Variants in FSCN1 observed in about 807,000 individuals in gnomAD.
The protein encoded by FSCN1 is fascin actin-bundling protein 1.
Under a neutral mutation model 39.7 loss-of-function variants are expected in FSCN1, and 10 were observed. The observed-to-expected ratio is 0.25, with a 90% CI of 0.16 to 0.43. The LOEUF (loss-of-function observed/expected upper bound fraction) is 0.43. Ranked by LOEUF, FSCN1 falls within the 20% of genes least tolerant of loss-of-function variation. The pLI is 1.00. For missense variants in FSCN1, 525 were observed against 723.8 expected (o/e 0.73, Z 3.15); for synonymous variants, 322 against 320.0 (o/e 1.01, Z -0.07).
At chr7:5,596,450 C>T (rs1447122020) in intron 1 of FSCN1, among the ~76,000 whole-genome samples, 1 of 152,370 alleles carries the variant, frequency 6.6e-6, no homozygotes. Context: ...CAGGGGCTTT[C>T]AGCCCTTCAC....
rs1266095792 is a variant in FSCN1 at position 5,593,475 on chromosome 7, C to G, written c.539C>G (p.Ala180Gly). ...GGCGTCGACTCGCTCATCACCCTCG[C>G]CTTCCAGGACCAGCGCTACAGCGTG... ...PWGVDSLITL[A>G]FQDQRYSVQT... The change falls in exon 1 of 5, where the codon GCC becomes GGC. Residue 180 changes from alanine (A) to glycine (G), a missense_variant. This residue lies in a region of FSCN1 where 246 missense variants were observed against 350.6 expected (regional missense o/e 0.70). Coordinates refer to ENST00000382361, the MANE Select transcript of FSCN1 (RefSeq NM_003088.4). 10 of 1,611,442 alleles carry G rather than the reference C, an allele frequency of 6.2e-6. No individual in the cohort carries two copies. The highest frequency in any genetic ancestry group is 7.6e-6 in the Non-Finnish European group (9 of 1,179,702).
rs552508056 is a variant in FSCN1, at chr7:5,600,790, A to T, written c.833-2467A>T. 9.9e-5 allele frequency among the ~76,000 whole-genome samples: 15 copies of T among 151,274 alleles called. No homozygotes were observed. In the South Asian group the frequency reaches 2.9e-3, roughly 30 times the overall value. On this transcript the variant is annotated intron_variant, in intron 1 of 4. Coordinates refer to ENST00000382361, the MANE Select transcript of FSCN1 (RefSeq NM_003088.4). ...TGCCTCAGCCTCCCGAGTAGCAGGGACTACAGGCGCCCGCCACCGTGCCCG... is the reference window on the plus strand; with the variant it reads ...TGCCTCAGCCTCCCGAGTAGCAGGGTCTACAGGCGCCCGCCACCGTGCCCG...
At position 5,605,516 on chromosome 7, in the gene FSCN1, C is replaced by T. The variant is rs1165753688; in HGVS notation, c.*42C>T. The T allele has an allele frequency of 1.4e-6, 2 of 1,401,464 alleles. No homozygotes were observed. Among genetic ancestry groups the T allele is most frequent in the Admixed American group, 2.1e-5 (1 of 47,694 alleles). The allele number at this position is 1,401,464 out of a possible 1,614,324, so 86.8% of individuals were successfully genotyped here. On this transcript the variant is annotated 3_prime_UTR_variant, in exon 5 of 5. Coordinates refer to ENST00000382361, the MANE Select transcript of FSCN1 (RefSeq NM_003088.4). This position sits in a 1 kb window ranked among gnomAD's most constrained non-coding sequence, Gnocchi z 6.9. ...CCCGCCCCTGCCCACATGGCGGCTC[C>T]TGCCAACCCTCCCTGCTAACCCCTT... is the stretch of plus-strand genomic sequence containing the variant.
In FSCN1 at chr7:5,593,217, T is replaced by A; in HGVS notation, c.281T>A (p.Val94Glu). 6.2e-7 allele frequency: 1 copy of A among 1,606,944 alleles called. No individual in the cohort carries two copies. The highest frequency in any genetic ancestry group is 8.5e-7 in the Non-Finnish European group (1 of 1,178,042). The change falls in exon 1 of 5, where the codon GTG becomes GAG. Residue 94 changes from valine (V) to glutamate (E), a missense_variant. This residue lies in a region of FSCN1 where 246 missense variants were observed against 350.6 expected (regional missense o/e 0.70). Coordinates refer to ENST00000382361, the MANE Select transcript of FSCN1 (RefSeq NM_003088.4). ...GGTCCCGACTGCCGTTTCCTCATCG[T>A]GGCGCACGACGACGGTCGCTGGTCG... ...VPGPDCRFLIVAHDDGRWSLQ... is the reference protein window; with the variant it reads ...VPGPDCRFLIEAHDDGRWSLQ...
intron 1 of FSCN1, among the ~76,000 whole-genome samples, chr7:5,601,344 A>G (rs1307643501): frequency 6.6e-5 from 10 of 151,568 alleles, no homozygotes; most frequent in African/African-American, 2.2e-4. Flanking sequence ...CTGGGATTAC[A>G]GGCATGCCCC....
chr7:5,604,063 G>A (rs374172939), intron 4 of FSCN1, 33 bp downstream of exon 4: 21 of 1,603,820 alleles, frequency 1.3e-5, no homozygotes, highest in Admixed American at 1.7e-5. Flanking sequence ...GCTGGGCAGG[G>A]AACCCCTCGG....
rs776651945 is a variant in FSCN1, at chr7:5,603,515, G to A, written c.1009G>A (p.Asp337Asn). ...ASSKNASCYF[D>N]IEWRDRRITL... is the part of the protein sequence containing the mutation. ...CCCCAGGAATGCCAGCTGCTACTTT[G>A]ACATCGAGTGGCGTGACCGGCGCAT... The change falls in exon 3 of 5, where the codon GAC becomes AAC. Residue 337 changes from aspartate (D) to asparagine (N), a missense_variant. Coordinates refer to ENST00000382361, the MANE Select transcript of FSCN1 (RefSeq NM_003088.4). The surrounding 1 kb of genome is among the most constrained non-coding windows in gnomAD (Gnocchi z 8.5). 6.8e-6 allele frequency: 11 copies of A among 1,614,034 alleles called. No individual in the cohort carries two copies. The highest frequency in any genetic ancestry group is 1.7e-5 in the Admixed American group (1 of 60,002).
At chr7:5,601,197 CT>C (rs534109521) in intron 1 of FSCN1, among the ~76,000 whole-genome samples, 3,501 of 115,546 alleles carry the variant, frequency 0.03, 27 homozygotes, top group African/African-American at 0.039. Flanking sequence ...TTCTTTCTTC[CT>C]TTTTTTTTTT....
At position 5,599,089 on chromosome 7, in the gene FSCN1, C is replaced by T. The variant is rs1370275854; in HGVS notation, c.833-4168C>T. On this transcript the variant is annotated intron_variant, in intron 1 of 4. Transcript: ENST00000382361. The surrounding 1 kb of genome is among the most constrained non-coding windows in gnomAD (Gnocchi z 5.6). ...GAGCAGAGGCCCCAGCCCTCGTGTT[C>T]CCTGGGGTGTGGCCTTAGGATGGTC... Among the ~76,000 whole-genome samples the T allele has an allele frequency of 6.8e-6, 1 of 147,730 alleles. No individual in the cohort carries two copies. Among genetic ancestry groups the T allele is most frequent in the Non-Finnish European group, 1.5e-5 (1 of 66,858 alleles).
intron 1 of FSCN1, among the ~76,000 whole-genome samples, chr7:5,597,674 C>T: frequency 7.5e-6 from 1 of 134,036 alleles, no homozygotes; most frequent in South Asian, 2.3e-4. Context: ...TCTCAAAAAA[C>T]AAAACAAAAC....
chr7:5,606,083 G>A lies in FSCN1; in HGVS notation c.*609G>A, dbSNP rs1197209706. On this transcript the variant is annotated 3_prime_UTR_variant, in exon 5 of 5. Transcript: ENST00000382361. This position sits in a 1 kb window ranked among gnomAD's most constrained non-coding sequence, Gnocchi z 5.1. ...GCTCAGCCTGGCTCCCTTCCCTGGA[G>A]CGGCAGGGCGTGACGGCCACAGGGT... is the stretch of plus-strand genomic sequence containing the variant. 6.6e-6 allele frequency: 1 copy of A among 152,262 alleles called. No individual in the cohort carries two copies. Among genetic ancestry groups the A allele is most frequent in the African/African-American group, 2.4e-5 (1 of 41,410 alleles). The allele number at this position is 152,262 out of a possible 1,614,324, so 9.4% of individuals were successfully genotyped here.
intron 1 of FSCN1, among the ~76,000 whole-genome samples, chr7:5,594,222 C>T (rs1243579895): frequency 6.6e-6 from 1 of 152,204 alleles, no homozygotes; most frequent in Non-Finnish European, 1.5e-5. Flanking sequence ...CGCGCCTCCA[C>T]CCCCACCGGC....
rs764227580 is a variant in FSCN1, at chr7:5,603,521, G to C, written c.1015G>C (p.Glu339Gln). Residue 339 changes from glutamate to glutamine, a missense_variant, in exon 3 of 5, where the codon GAG (glutamate) becomes CAG (glutamine). Glu to Gln is a conservative substitution (Grantham distance 29). Transcript: ENST00000382361. The surrounding 1 kb of genome is among the most constrained non-coding windows in gnomAD (Gnocchi z 8.5). ...GAATGCCAGCTGCTACTTTGACATC[G>C]AGTGGCGTGACCGGCGCATCACACT... ...SKNASCYFDIEWRDRRITLRA... is the reference protein window; with the variant it reads ...SKNASCYFDIQWRDRRITLRA... The C allele has an allele frequency of 3.1e-6, 5 of 1,614,000 alleles. No homozygotes were observed. The highest frequency in any genetic ancestry group is 2.2e-5 in the South Asian group (2 of 91,078).
rs1422850566 is a variant in FSCN1, at chr7:5,605,879, C to T, written c.*405C>T. On this transcript the variant is annotated 3_prime_UTR_variant, in exon 5 of 5. Coordinates refer to ENST00000382361, the MANE Select transcript of FSCN1 (RefSeq NM_003088.4). This position sits in a 1 kb window ranked among gnomAD's most constrained non-coding sequence, Gnocchi z 6.9. The stretch of plus-strand genomic sequence containing the variant: ...TGGAATCTTTTGCCTCTCCCAGCCA[C>T]CTCCTCCCAGCCCCCCAGGAGAGCT... The T allele has an allele frequency of 2.8e-5, 5 of 177,176 alleles. No homozygotes were observed. The East Asian group carries it at 6.5e-4, about 23-fold the overall frequency. 11.0% of individuals were successfully genotyped at this position (177,176 alleles called of 1,614,324 possible).
intron 1 of FSCN1, among the ~76,000 whole-genome samples, chr7:5,600,802 C>T (rs1329964074): frequency 3.3e-5 from 5 of 151,616 alleles, no homozygotes; most frequent in Non-Finnish European, 7.4e-5. Flanking sequence ...TACAGGCGCC[C>T]GCCACCGTGC....
chr7:5,601,227 G>A (rs1483152248), intron 1 of FSCN1, among the ~76,000 whole-genome samples: 10 of 129,932 alleles, frequency 7.7e-5, no homozygotes, highest in Non-Finnish European at 1.6e-4. Flanking sequence ...TTTTGAGATG[G>A]ATTCTTGCTC....
At position 5,605,867 on chromosome 7, in the gene FSCN1, C is replaced by G. The variant is rs570419545; in HGVS notation, c.*393C>G. 8 of 180,608 alleles carry G rather than the reference C, an allele frequency of 4.4e-5. No individual in the cohort carries two copies. The highest frequency in any genetic ancestry group is 2.2e-4 in the Admixed American group (4 of 18,228). 11.2% of individuals were successfully genotyped at this position (180,608 alleles called of 1,614,324 possible). On this transcript the variant is annotated 3_prime_UTR_variant, in exon 5 of 5. Coordinates refer to ENST00000382361, the MANE Select transcript of FSCN1 (RefSeq NM_003088.4). This position sits in a 1 kb window ranked among gnomAD's most constrained non-coding sequence, Gnocchi z 6.9. ...GTGTAGTGTAACTGGAATCTTTTGC[C>G]TCTCCCAGCCACCTCCTCCCAGCCC...
chr7:5,593,161 C>T lies in FSCN1; in HGVS notation c.225C>T (p.Asp75=). ...HLGRYLAADK[D]GNVTCEREVP... ...GCCGCTACCTGGCGGCGGACAAGGA[C>T]GGCAACGTGACCTGCGAGCGCGAGG... Residue 75 remains aspartate (D), a synonymous_variant, in exon 1 of 5, where the codon GAC becomes GAT. Transcript: ENST00000382361. 1 of 1,603,338 alleles carries T rather than the reference C, an allele frequency of 6.2e-7. No individual in the cohort carries two copies. The highest frequency in any genetic ancestry group is 8.5e-7 in the Non-Finnish European group (1 of 1,176,146).
intron 1 of FSCN1, among the ~76,000 whole-genome samples, chr7:5,601,115 G>A (rs141111043): frequency 9.5e-4 from 144 of 151,666 alleles, no homozygotes; most frequent in African/African-American, 3.1e-3. Flanking sequence ...TTAGGGACAT[G>A]GAATCATGTA....
Sources: allele counts gnomAD v4.1 joint callset (sites outside exome capture counted in the v4.1 genomes callset), GRCh38; gene constraint gnomAD v4.1.1; regional missense constraint gnomAD v4.1.1; non-coding constraint Gnocchi (gnomAD v3.1); transcripts MANE v1.5; gene names NCBI Gene and HGNC (gene_info 2026-07-23, HGNC 2026-07-21).